The following DOCK3 variants were observed in gnomAD, a reference collection of about 807,000 sequenced individuals.
The protein encoded by DOCK3 is dedicator of cytokinesis protein 3.
Under a neutral mutation model 265.6 loss-of-function variants are expected in DOCK3, and 60 were observed. The observed-to-expected ratio is 0.23, with a 90% CI of 0.18 to 0.28. The LOEUF is 0.28. Among genes scored for constraint, DOCK3 ranks in the 10% least tolerant of loss-of-function variants. DOCK3 has a pLI of 1.00. For missense variants in DOCK3, 1,981 were observed against 2,594.3 expected (o/e 0.76, Z 5.14); for synonymous variants, 881 against 938.0 (o/e 0.94, Z 1.11).
chr3:51,153,609 C>G (rs770979357), intron 10 of DOCK3, among the ~76,000 whole-genome samples: 1 of 152,200 alleles, frequency 6.6e-6, no homozygotes, highest in African/African-American at 2.4e-5. Flanking sequence ...GAGCTGCAGA[C>G]CGGAGCTGTT....
chr3:51,008,719 G>C (rs1174787969), intron 5 of DOCK3, among the ~76,000 whole-genome samples: 2 of 152,140 alleles, frequency 1.3e-5, no homozygotes, highest in East Asian at 3.8e-4. Context: ...AATGCTTCCA[G>C]TTTTTGCCCA....
At chr3:50,895,576 T>C (rs1294391992) in intron 4 of DOCK3, among the ~76,000 whole-genome samples, 1 of 152,096 alleles carries the variant, frequency 6.6e-6, no homozygotes, top group Non-Finnish European at 1.5e-5. Flanking sequence ...GCAGGTTTGC[T>C]ACATAGGTAT....
At chr3:51,066,661 C>T (rs1002431980) in intron 6 of DOCK3, among the ~76,000 whole-genome samples, 7 of 151,978 alleles carry the variant, frequency 4.6e-5, no homozygotes, top group Non-Finnish European at 1.0e-4. Flanking sequence ...AAGGGACTTG[C>T]GGATGTGCTT....
At chr3:51,310,090 G>C in intron 27 of DOCK3, 142 bp from the exon 28 acceptor site, 1 of 700,830 alleles carries the variant, frequency 1.4e-6, no homozygotes, top group East Asian at 2.7e-5. Context: ...AGCCCTCTAA[G>C]AGAGAAACAA....
chr3:50,888,288 G>T (rs552542016), intron 3 of DOCK3, among the ~76,000 whole-genome samples: 1 of 152,138 alleles, frequency 6.6e-6, no homozygotes, highest in East Asian at 1.9e-4. Context: ...AAATACCTAG[G>T]AATCCAACTT....
chr3:50,877,814 C>T, intron 3 of DOCK3, among the ~76,000 whole-genome samples: 1 of 152,124 alleles, frequency 6.6e-6, no homozygotes, highest in South Asian at 2.1e-4. Context: ...GCTGGGATTA[C>T]AGGCCTGCAC....
chr3:51,082,272 G>A (rs1282054966), intron 7 of DOCK3, among the ~76,000 whole-genome samples: 1 of 151,878 alleles, frequency 6.6e-6, no homozygotes, highest in Admixed American at 6.6e-5. Context: ...ACCAGACTGC[G>A]TTTTTCTACC....
chr3:50,940,617 A>G (rs1009425016), intron 5 of DOCK3, among the ~76,000 whole-genome samples: 1 of 152,184 alleles, frequency 6.6e-6, no homozygotes, highest in Non-Finnish European at 1.5e-5. Context: ...AATGCAAAAG[A>G]ACTAAAACGG....
At chr3:50,788,576 G>A (rs961514349) in intron 2 of DOCK3, among the ~76,000 whole-genome samples, 1 of 152,214 alleles carries the variant, frequency 6.6e-6, no homozygotes. Context: ...CAATGCCTTG[G>A]CAGTCCTTCC....
At chr3:50,676,071 A>G (rs1017232979) in intron 1 of DOCK3, among the ~76,000 whole-genome samples, 22 of 152,218 alleles carry the variant, frequency 1.4e-4, no homozygotes, top group Non-Finnish European at 3.2e-4. Flanking sequence ...ATTACATGAT[A>G]GAGTTAAGCC....
chr3:50,745,792 A>G (rs547649997), intron 1 of DOCK3, among the ~76,000 whole-genome samples: 1 of 152,236 alleles, frequency 6.6e-6, no homozygotes, highest in Non-Finnish European at 1.5e-5. Context: ...TTCTTCCCTA[A>G]TCAGATCGTT....
chr3:51,213,269 A>G (rs1167814051), intron 13 of DOCK3, among the ~76,000 whole-genome samples: 1 of 152,124 alleles, frequency 6.6e-6, no homozygotes, highest in African/African-American at 2.4e-5. Flanking sequence ...TCAACACCTA[A>G]ATTCTTCATC....
chr3:50,887,075 C>T (rs2048380921), intron 3 of DOCK3, among the ~76,000 whole-genome samples: 1 of 151,958 alleles, frequency 6.6e-6, no homozygotes, highest in Non-Finnish European at 1.5e-5. Flanking sequence ...AATCCAGGAG[C>T]TGGTTTTTTG....
intron 5 of DOCK3, among the ~76,000 whole-genome samples, chr3:51,016,615 AT>A (rs1427030128): frequency 1.5e-5 from 1 of 66,404 alleles, no homozygotes; most frequent in Non-Finnish European, 2.6e-5. Context: ...TATATTATAT[AT>A]TTATATATAT....
chr3:51,083,969 G>A (rs575896115), intron 7 of DOCK3, among the ~76,000 whole-genome samples: 7 of 152,236 alleles, frequency 4.6e-5, no homozygotes, highest in African/African-American at 1.7e-4. Flanking sequence ...GGGCGACAGA[G>A]CGAGACTCCA....
intron 22 of DOCK3, among the ~76,000 whole-genome samples, chr3:51,250,516 G>A (rs113642126): frequency 0.014 from 2,183 of 152,254 alleles, 61 homozygotes; most frequent in African/African-American, 0.048. Flanking sequence ...CTACTCACGA[G>A]GCTGTGGCTC....
intron 4 of DOCK3, among the ~76,000 whole-genome samples, chr3:50,893,853 C>T (rs1375452075): frequency 6.6e-6 from 1 of 151,704 alleles, no homozygotes; most frequent in African/African-American, 2.4e-5. Context: ...AGCCATCATT[C>T]TCAGCACAGT....
chr3:50,785,331 G>C (rs2675807), intron 2 of DOCK3, among the ~76,000 whole-genome samples: 151,875 of 152,298 alleles, frequency 1, 75,732 homozygotes, highest in Middle Eastern at 1. Flanking sequence ...TCTGATTGCT[G>C]TGGCTAGGAC....
At chr3:51,056,613 A>G (rs1458009078) in intron 5 of DOCK3, among the ~76,000 whole-genome samples, 1 of 152,224 alleles carries the variant, frequency 6.6e-6, no homozygotes, top group African/African-American at 2.4e-5. Flanking sequence ...AAATCTTTTC[A>G]TTATATTGGG....
Sources: allele counts gnomAD v4.1 joint callset (sites outside exome capture counted in the v4.1 genomes callset), GRCh38; gene constraint gnomAD v4.1.1; transcripts MANE v1.5; gene names NCBI Gene and HGNC (gene_info 2026-07-23, HGNC 2026-07-21).